Variants in FEZ1 observed in about 807,000 individuals in gnomAD.
FEZ1 encodes fasciculation and elongation protein zeta-1.
FEZ1 carries 20 observed loss-of-function variants against 49.3 expected under a neutral mutation model. The observed-to-expected ratio is 0.41, with a 90% CI of 0.29 to 0.59. FEZ1 has a LOEUF of 0.59. Among genes scored for constraint, FEZ1 ranks in the 20% least tolerant of loss-of-function variants. The probability of loss-of-function intolerance (pLI) is 0.36; values close to 1 mark genes in which losing one functional copy is unlikely to be tolerated. For missense variants in FEZ1, 413 were observed against 476.0 expected, an observed-to-expected ratio of 0.87 and a Z score of 1.23; for synonymous variants, 170 against 180.9, an observed-to-expected ratio of 0.94 and a Z score of 0.48.
At position 125,465,781 on chromosome 11, in the gene FEZ1, G is replaced by A. The variant is rs77267928; in HGVS notation, c.412-2211C>T. 7.1e-3 allele frequency among the ~76,000 whole-genome samples: 1,075 copies of A among 152,216 alleles called. 9 individuals are homozygous for A. The highest frequency in any genetic ancestry group is 0.011 in the Non-Finnish European group (741 of 68,018). On this transcript the variant is annotated intron_variant, in intron 3 of 9. Transcript: ENST00000278919. ...CAGCCTCTTCACCTCCCTCTCCAGC[G>A]TTTGATTCTGATCCTCTCACCCTTC...
chr11:125,464,825 G>A (rs1332588821), intron 3 of FEZ1, among the ~76,000 whole-genome samples: 2 of 152,178 alleles, frequency 1.3e-5, no homozygotes, highest in Admixed American at 1.3e-4. Context: ...GAAGGGCCCG[G>A]GTACCAGATG....
At chr11:125,446,886 G>A (rs1956904246) in intron 9 of FEZ1, among the ~76,000 whole-genome samples, 1 of 151,952 alleles carries the variant, frequency 6.6e-6, no homozygotes, top group South Asian at 2.1e-4. Flanking sequence ...TGTTGCCCAG[G>A]CTGGACAAGT....
At chr11:125,449,417 TAAAAAAAAAA>T (rs35920814) in intron 8 of FEZ1, among the ~76,000 whole-genome samples, 9 of 27,006 alleles carry the variant, frequency 3.3e-4, no homozygotes, top group South Asian at 3.4e-3. Flanking sequence ...TTTGTCTCTA[TAAAAAAAAAA>T]AAAAAAAAAA....
At position 125,446,164 on chromosome 11, in the gene FEZ1, G is replaced by A. The variant is rs1956897110; in HGVS notation, c.1163-53C>T. 10 of 1,595,320 alleles carry A rather than the reference G, an allele frequency of 6.3e-6. No individual in the cohort carries two copies. The Admixed American group carries it at 1.5e-4, about 24-fold the overall frequency. ...CGGTCAGAACACAGTTGCAGGTGGG[G>A]ACCTCCGAGCCCTGGATAGCCCTAG... On this transcript the variant is annotated intron_variant, in intron 9 of 9. Coordinates refer to ENST00000278919, the MANE Select transcript of FEZ1 (RefSeq NM_005103.5).
At position 125,495,272 on chromosome 11, in the gene FEZ1, C is replaced by T. The variant is rs1443761954; in HGVS notation, c.-46+849G>A. On this transcript the variant is annotated intron_variant, in intron 1 of 9. Transcript: ENST00000278919. The surrounding 1 kb of genome is among the most constrained non-coding windows in gnomAD (Gnocchi z 4.2). The stretch of plus-strand genomic sequence containing the variant: ...TCATCCCGTGCAGGCCGCATACACA[C>T]TCCACTGCCCTTCCGGCCAAACAAG... The T allele has an allele frequency of 2.3e-6, 1 of 428,622 alleles. No individual in the cohort carries two copies. Among genetic ancestry groups the T allele is most frequent in the Non-Finnish European group, 4.9e-6 (1 of 203,796 alleles). 26.6% of individuals were successfully genotyped at this position (428,622 alleles called of 1,614,324 possible).
At chr11:125,465,714 G>C (rs1288224720) in intron 3 of FEZ1, among the ~76,000 whole-genome samples, 1 of 152,022 alleles carries the variant, frequency 6.6e-6, no homozygotes, top group Non-Finnish European at 1.5e-5. Flanking sequence ...CTATGTGCGG[G>C]TTACCCCCTA....
rs373061989 is a variant in FEZ1 at position 125,446,171 on chromosome 11, G to A, written c.1163-60C>T. The A allele has an allele frequency of 1.2e-5, 19 of 1,562,866 alleles. No individual in the cohort carries two copies. In the African/African-American group the frequency reaches 1.4e-4, roughly 11 times the overall value. ...AACACAGTTGCAGGTGGGGACCTCC[G>A]AGCCCTGGATAGCCCTAGCTGAGAG... is the stretch of plus-strand genomic sequence containing the variant. On this transcript the variant is annotated intron_variant, in intron 9 of 9. Coordinates refer to ENST00000278919, the MANE Select transcript of FEZ1 (RefSeq NM_005103.5).
At chr11:125,457,052 G>A (rs1372154240) in intron 5 of FEZ1, among the ~76,000 whole-genome samples, 3 of 151,748 alleles carry the variant, frequency 2.0e-5, no homozygotes, top group African/African-American at 7.3e-5. Context: ...GCATGGTGGT[G>A]CCTGACTATA....
chr11:125,477,620 G>A (rs1957243647), intron 3 of FEZ1, among the ~76,000 whole-genome samples: 1 of 152,166 alleles, frequency 6.6e-6, no homozygotes, highest in Admixed American at 6.5e-5. Flanking sequence ...TTACATCCCA[G>A]GAGGCAGAGT....
At position 125,445,341 on chromosome 11, in the gene FEZ1, C is replaced by G. The variant is rs1026880996; in HGVS notation, c.*754G>C. Among the ~76,000 whole-genome samples, 2 of 152,216 alleles carry G rather than the reference C, an allele frequency of 1.3e-5. No homozygotes were observed. The highest frequency in any genetic ancestry group is 4.8e-5 in the African/African-American group (2 of 41,456). The stretch of plus-strand genomic sequence containing the variant: ...CGCAGGCCCTGAGCCTCCAGGTCCC[C>G]GTGGACAGCCTGGGGAGGGTCTCCA... On this transcript the variant is annotated 3_prime_UTR_variant, in exon 10 of 10. Coordinates refer to ENST00000278919, the MANE Select transcript of FEZ1 (RefSeq NM_005103.5). This position sits in a 1 kb window ranked among gnomAD's most constrained non-coding sequence, Gnocchi z 4.4.
At chr11:125,462,615 C>A (rs1957087061) in intron 4 of FEZ1, among the ~76,000 whole-genome samples, 1 of 152,160 alleles carries the variant, frequency 6.6e-6, no homozygotes. Flanking sequence ...AGAGACTGAC[C>A]CCAACTATCC....
At chr11:125,475,275 TACACACACACACAC>T (rs67243081) in intron 3 of FEZ1, among the ~76,000 whole-genome samples, 5 of 141,806 alleles carry the variant, frequency 3.5e-5, no homozygotes, top group South Asian at 2.3e-4. Context: ...GTCTCAAAAA[TACACACACACACAC>T]ACACACACAC....
At chr11:125,459,970 C>T (rs983827075) in intron 5 of FEZ1, among the ~76,000 whole-genome samples, 2 of 152,246 alleles carry the variant, frequency 1.3e-5, no homozygotes, top group Admixed American at 6.5e-5. Flanking sequence ...GTGGCACGTG[C>T]CTGTAGTCCC....
chr11:125,495,696 C>T lies in FEZ1; in HGVS notation c.-46+425G>A, dbSNP rs1436741513. The stretch of plus-strand genomic sequence containing the variant: ...AACGGTCCCGGGACGAGGTACCGAC[C>T]CACTGCCCCAGCGCGATCGGGCGGC... On this transcript the variant is annotated intron_variant, in intron 1 of 9. Transcript: ENST00000278919. This position sits in a 1 kb window ranked among gnomAD's most constrained non-coding sequence, Gnocchi z 4.2. 1 of 369,590 alleles carries T rather than the reference C, an allele frequency of 2.7e-6. No individual in the cohort carries two copies. The highest frequency in any genetic ancestry group is 2.1e-5 in the African/African-American group (1 of 47,182). The allele number at this position is 369,590 out of a possible 1,614,324, so 22.9% of individuals were successfully genotyped here. A position where few individuals can be genotyped will look rare whatever the true frequency, so the allele number is the denominator to read the frequency against.
chr11:125,457,403 TAAAA>T (rs141594971), intron 5 of FEZ1, among the ~76,000 whole-genome samples: 48 of 35,098 alleles, frequency 1.4e-3, no homozygotes, highest in East Asian at 4.0e-3. Flanking sequence ...GTTTCTACTT[TAAAA>T]AAAAAAAAAA....
At chr11:125,447,986 G>T (rs1744589442) in intron 9 of FEZ1, among the ~76,000 whole-genome samples, 1 of 152,276 alleles carries the variant, frequency 6.6e-6, no homozygotes, top group South Asian at 2.1e-4. Flanking sequence ...GAGGGGAGAA[G>T]TTGGGTAGAG....
In FEZ1 at chr11:125,444,581, G is replaced by A. The variant is rs777505099; in HGVS notation, c.*1514C>T. Among the ~76,000 whole-genome samples, 10 of 151,492 alleles carry A rather than the reference G, an allele frequency of 6.6e-5. No homozygotes were observed. Among genetic ancestry groups the A allele is most frequent in the South Asian group, 2.1e-4 (1 of 4,788 alleles). ...GCCTGAGCAACAAGAGTCAAACTCC[G>A]TCTGAAAAAAAAAAAGCAGAGGCCC... On this transcript the variant is annotated 3_prime_UTR_variant, in exon 10 of 10. Coordinates refer to ENST00000278919, the MANE Select transcript of FEZ1 (RefSeq NM_005103.5).
At chr11:125,453,173 T>A (rs1291091304) in intron 7 of FEZ1, 1 of 152,142 alleles carries the variant, frequency 6.6e-6, no homozygotes, top group Non-Finnish European at 1.5e-5. Context: ...GCCAGGCTGG[T>A]CTCGAATTCC....
Position 125,452,344 on chromosome 11 carries a change from C to T in FEZ1, c.1086G>A (p.Met362Ile), listed in dbSNP as rs750753028. The stretch of plus-strand genomic sequence containing the variant: ...ACAAGAGGAACTCACTGTTTGTCAG[C>T]ATCTGCAGGTCTTCCACTGAGGGAG... ...ASPPSVEDLQ[M>I]LTNILFAMKE... The change falls in exon 8 of 10, where the codon ATG becomes ATA. Residue 362 changes from methionine to isoleucine, a missense_variant. Physicochemically the swap from Met to Ile is conservative, Grantham distance 10. Coordinates refer to ENST00000278919, the MANE Select transcript of FEZ1 (RefSeq NM_005103.5). The T allele has an allele frequency of 3.7e-6, 6 of 1,608,498 alleles. No individual in the cohort carries two copies. The highest frequency in any genetic ancestry group is 1.6e-4 in the Middle Eastern group (1 of 6,066).
Sources: gnomAD v4.1 joint callset for allele counts (sites outside exome capture counted in the v4.1 genomes callset) on GRCh38, gnomAD v4.1.1 for gene constraint, Gnocchi (gnomAD v3.1) non-coding constraint, MANE v1.5 for transcripts, NCBI Gene and HGNC (gene_info 2026-07-23, HGNC 2026-07-21) for gene names.